The following MSRB3 variants were observed in gnomAD, a reference collection of about 807,000 sequenced individuals.
The protein encoded by MSRB3 is methionine sulfoxide reductase B3.
Under a neutral mutation model 21.0 loss-of-function variants are expected in MSRB3, and 13 were observed. The observed-to-expected ratio is 0.62, with a 90% CI of 0.40 to 0.98. The LOEUF (loss-of-function observed/expected upper bound fraction) is 0.98. MSRB3 is among the 50% of genes least tolerant of loss of function. The pLI is 0.00. For synonymous variants in MSRB3, 87 were observed against 88.6 expected (o/e 0.98, Z 0.10); for missense variants, 199 against 230.3 (o/e 0.86, Z 0.88).
intron 5 of MSRB3, among the ~76,000 whole-genome samples, chr12:65,444,430 G>A (rs1317159699): frequency 1.3e-5 from 2 of 152,124 alleles, no homozygotes; most frequent in African/African-American, 2.4e-5. Flanking sequence ...ATCCTTTGGA[G>A]CATTTGAGTA....
intron 4 of MSRB3, among the ~76,000 whole-genome samples, chr12:65,340,903 G>A (rs1175289508): frequency 2.0e-5 from 3 of 152,010 alleles, no homozygotes; most frequent in Non-Finnish European, 4.4e-5. Context: ...GACCTGAATA[G>A]ACCAGCAACC....
chr12:65,390,450 G>C (rs768641492), intron 5 of MSRB3, among the ~76,000 whole-genome samples: 1 of 152,136 alleles, frequency 6.6e-6, no homozygotes, highest in Non-Finnish European at 1.5e-5. Flanking sequence ...CAAAAGTTTA[G>C]CCTCACTATT....
At chr12:65,357,399 G>C (rs1877448647) in intron 4 of MSRB3, among the ~76,000 whole-genome samples, 1 of 151,870 alleles carries the variant, frequency 6.6e-6, no homozygotes, top group Admixed American at 6.6e-5. Context: ...TTTTAGAACA[G>C]TTTTCTATTT....
chr12:65,387,774 G>A lies in MSRB3; in HGVS notation c.292+18748G>A, dbSNP rs1592589637. Among the ~76,000 whole-genome samples the A allele has an allele frequency of 2.0e-5, 3 of 152,068 alleles. No homozygotes were observed. The South Asian group carries it at 6.2e-4, about 31-fold the overall frequency. On this transcript the variant is annotated intron_variant, in intron 5 of 6. Transcript: ENST00000308259. Reference sequence around the variant, plus strand: ...GTGAAATCACTTAGCAAAGTGCTTGGTATACATTAATGATGCTGCTGCTGA... The same window carrying A: ...GTGAAATCACTTAGCAAAGTGCTTGATATACATTAATGATGCTGCTGCTGA...
chr12:65,462,286 T>C (rs1390482212), intron 6 of MSRB3, among the ~76,000 whole-genome samples: 3 of 152,106 alleles, frequency 2.0e-5, no homozygotes, highest in African/African-American at 7.2e-5. Flanking sequence ...TGTACCTTCA[T>C]CTCCTGGAGC....
intron 5 of MSRB3, among the ~76,000 whole-genome samples, chr12:65,423,790 A>G (rs997179505): frequency 1.3e-5 from 2 of 152,106 alleles, no homozygotes; most frequent in Non-Finnish European, 2.9e-5. Flanking sequence ...ATATTGGCCT[A>G]TAGTTTCTTT....
chr12:65,399,078 T>C (rs1392371521), intron 5 of MSRB3, among the ~76,000 whole-genome samples: 1 of 152,220 alleles, frequency 6.6e-6, no homozygotes, highest in Non-Finnish European at 1.5e-5. Flanking sequence ...TAGGATTGTC[T>C]TGGCTATAGG....
At chr12:65,409,848 A>C (rs894552749) in intron 5 of MSRB3, among the ~76,000 whole-genome samples, 1 of 152,194 alleles carries the variant, frequency 6.6e-6, no homozygotes, top group Non-Finnish European at 1.5e-5. Flanking sequence ...TAAGAAACAG[A>C]ATGCTTAGAA....
chr12:65,459,625 C>T (rs1390635089), intron 6 of MSRB3, among the ~76,000 whole-genome samples: 1 of 152,166 alleles, frequency 6.6e-6, no homozygotes, highest in Non-Finnish European at 1.5e-5. Flanking sequence ...CATCCTGCCC[C>T]ATGTGTCCAA....
chr12:65,461,122 T>C (rs2136717499), intron 6 of MSRB3, among the ~76,000 whole-genome samples: 2 of 152,316 alleles, frequency 1.3e-5, no homozygotes, highest in East Asian at 3.9e-4. Context: ...CTTCATCTCT[T>C]AAATGCCAAG....
chr12:65,430,533 A>G (rs1881825933), intron 5 of MSRB3, among the ~76,000 whole-genome samples: 1 of 152,146 alleles, frequency 6.6e-6, no homozygotes, highest in Non-Finnish European at 1.5e-5. Context: ...AAATGGAAAA[A>G]GTAGTAAGGT....
At chr12:65,308,708 TC>T in intron 2 of MSRB3, 53 bp downstream of exon 2, 1 of 1,612,948 alleles carries the variant, frequency 6.2e-7, no homozygotes, top group South Asian at 1.1e-5. Flanking sequence ...ACTGGGTGTT[TC>T]TGCTGCAGGA....
intron 5 of MSRB3, among the ~76,000 whole-genome samples, chr12:65,424,361 T>G (rs1881471199): frequency 6.6e-6 from 1 of 152,054 alleles, no homozygotes; most frequent in South Asian, 2.1e-4. Flanking sequence ...TCTTTTTGCC[T>G]AGTTTGTTTG....
At chr12:65,306,798 C>G (rs1873679066) in intron 1 of MSRB3, 2 of 946,382 alleles carry the variant, frequency 2.1e-6, no homozygotes, top group South Asian at 9.8e-5. Flanking sequence ...CTGGAGGGCT[C>G]CCGGTATTTG....
chr12:65,328,695 A>G (rs1375108181), intron 4 of MSRB3, 92 bp downstream of exon 4: 7 of 869,694 alleles, frequency 8.0e-6, no homozygotes, highest in Non-Finnish European at 1.4e-5. Context: ...TCCATTGCTG[A>G]ATTTTCTTCT....
intron 4 of MSRB3, among the ~76,000 whole-genome samples, chr12:65,359,536 A>G (rs892796534): frequency 1.3e-5 from 2 of 152,122 alleles, no homozygotes; most frequent in Non-Finnish European, 2.9e-5. Context: ...CACAACACCA[A>G]TCTTGAAAGA....
intron 4 of MSRB3, among the ~76,000 whole-genome samples, chr12:65,361,965 T>G (rs547111160): frequency 6.6e-6 from 1 of 152,296 alleles, no homozygotes; most frequent in South Asian, 2.1e-4. Flanking sequence ...TAAATCATTA[T>G]TATCGAAATG....
chr12:65,399,923 G>A (rs780598556), intron 5 of MSRB3, among the ~76,000 whole-genome samples: 6 of 152,146 alleles, frequency 3.9e-5, no homozygotes, highest in South Asian at 2.1e-4. Flanking sequence ...TGCACATGTC[G>A]AACCAGCCTT....
chr12:65,311,147 T>C (rs1204870545), intron 2 of MSRB3, among the ~76,000 whole-genome samples: 3 of 152,178 alleles, frequency 2.0e-5, no homozygotes, highest in African/African-American at 7.2e-5. Flanking sequence ...GTTTGAGGAA[T>C]AACCATCTTG....
Sources: gnomAD v4.1 joint callset for allele counts (sites outside exome capture counted in the v4.1 genomes callset) on GRCh38, gnomAD v4.1.1 for gene constraint, MANE v1.5 for transcripts, NCBI Gene and HGNC (gene_info 2026-07-23, HGNC 2026-07-21) for gene names.